The following LHFPL6 variants were observed in gnomAD, a reference collection of about 807,000 sequenced individuals.
LHFPL6 encodes the protein LHFPL tetraspan subfamily member 6 protein.
A neutral mutation model predicts 20.6 loss-of-function variants in LHFPL6; 9 were observed. The ratio of observed to expected loss-of-function variants is 0.44; its 90% CI spans 0.26 to 0.76. LHFPL6 has a LOEUF of 0.76. Ranked by LOEUF, LHFPL6 falls within the 30% of genes least tolerant of loss-of-function variation. The probability of loss-of-function intolerance (pLI) is 0.20; values close to 1 mark genes in which losing one functional copy is unlikely to be tolerated. For missense variants in LHFPL6, 218 were observed against 253.5 expected, an observed-to-expected ratio of 0.86 and a Z score of 0.95; for synonymous variants, 105 against 98.7, an observed-to-expected ratio of 1.06 and a Z score of -0.38.
At chr13:39,517,481 T>C (rs1228069154) in intron 2 of LHFPL6, among the ~76,000 whole-genome samples, 1 of 152,170 alleles carries the variant, frequency 6.6e-6, no homozygotes, top group Non-Finnish European at 1.5e-5. Context: ...AATCCAGACA[T>C]CATCCTTTAT....
chr13:39,447,298 G>A lies in LHFPL6; in HGVS notation c.386-68772C>T, dbSNP rs145998064. The stretch of plus-strand genomic sequence containing the variant: ...TCCCCAAATAGATGAAATTATAAGG[G>A]AAATTTTCATAATCTTTTTTTAAGC... On this transcript the variant is annotated intron_variant, in intron 2 of 3. Transcript: ENST00000379589. Among the ~76,000 whole-genome samples the A allele has an allele frequency of 6.8e-3, 1,029 of 152,192 alleles. 8 individuals carry two copies. Among genetic ancestry groups the A allele is most frequent in the Non-Finnish European group, 0.012 (794 of 67,992 alleles).
intron 3 of LHFPL6, among the ~76,000 whole-genome samples, chr13:39,345,509 T>A (rs1363324634): frequency 6.3e-5 from 1 of 15,780 alleles, no homozygotes; most frequent in African/African-American, 1.9e-4. Context: ...CGAGACTCCA[T>A]CTCAAAAAAA....
In LHFPL6 at chr13:39,500,485, T is replaced by C. The variant is rs1300283463; in HGVS notation, c.385+100347A>G. ...CCAGACTGCTCTCAAATTCCTGGGC[T>C]CAAGCGATCCTCCCACCTCCCAGAC... On this transcript the variant is annotated intron_variant, in intron 2 of 3. Coordinates refer to ENST00000379589, the MANE Select transcript of LHFPL6 (RefSeq NM_005780.3). Among the ~76,000 whole-genome samples, 6 of 152,142 alleles carry C rather than the reference T, an allele frequency of 3.9e-5. No individual in the cohort carries two copies. In the East Asian group the frequency reaches 1.2e-3, roughly 29 times the overall value.
At chr13:39,556,929 TC>T (rs1043304354) in intron 2 of LHFPL6, among the ~76,000 whole-genome samples, 8 of 152,064 alleles carry the variant, frequency 5.3e-5, no homozygotes, top group African/African-American at 1.9e-4. Flanking sequence ...ACCACTGCAG[TC>T]CAGCCTGAGT....
chr13:39,596,103 A>T (rs1192820804), intron 2 of LHFPL6, among the ~76,000 whole-genome samples: 10 of 152,116 alleles, frequency 6.6e-5, no homozygotes, highest in African/African-American at 2.4e-4. Context: ...AATAAAAGGA[A>T]ATGTTATATA....
intron 2 of LHFPL6, among the ~76,000 whole-genome samples, chr13:39,528,922 C>T (rs1461156355): frequency 6.6e-6 from 1 of 152,146 alleles, no homozygotes; most frequent in South Asian, 2.1e-4. Context: ...GCTTGATTTT[C>T]GAAGAATTAC....
At chr13:39,509,258 TGGATACAAATCCTTTATCGG>T (rs1869601107) in intron 2 of LHFPL6, among the ~76,000 whole-genome samples, 2 of 152,360 alleles carry the variant, frequency 1.3e-5, no homozygotes, top group Admixed American at 6.5e-5. Flanking sequence ...TTAAATAATT[TGGATACAAATCCTTTATCGG>T]GTATGTGATT....
chr13:39,420,394 A>T (rs1230850496), intron 2 of LHFPL6, among the ~76,000 whole-genome samples: 1 of 152,206 alleles, frequency 6.6e-6, no homozygotes, highest in Non-Finnish European at 1.5e-5. Flanking sequence ...GGGGAGAAAT[A>T]GTAAGACAAG....
chr13:39,562,804 G>T (rs922799587), intron 2 of LHFPL6, among the ~76,000 whole-genome samples: 17 of 151,372 alleles, frequency 1.1e-4, no homozygotes, highest in African/African-American at 4.1e-4. Context: ...ATCTAGTAAG[G>T]TAAGACACAG....
chr13:39,365,913 T>C (rs1203693940), intron 3 of LHFPL6, among the ~76,000 whole-genome samples: 1 of 152,152 alleles, frequency 6.6e-6, no homozygotes, highest in Non-Finnish European at 1.5e-5. Flanking sequence ...ATGGAATGCA[T>C]CAGTAAGGCT....
At chr13:39,592,724 C>T (rs1044517770) in intron 2 of LHFPL6, among the ~76,000 whole-genome samples, 5 of 152,110 alleles carry the variant, frequency 3.3e-5, no homozygotes, top group African/African-American at 7.2e-5. Flanking sequence ...AATTCCTCAA[C>T]AAAATACTGG....
At chr13:39,421,155 C>A (rs903775562) in intron 2 of LHFPL6, among the ~76,000 whole-genome samples, 1 of 152,048 alleles carries the variant, frequency 6.6e-6, no homozygotes, top group African/African-American at 2.4e-5. Context: ...CCTGTTATAT[C>A]CCCTAAAAGA....
At chr13:39,547,160 G>A (rs561396166) in intron 2 of LHFPL6, among the ~76,000 whole-genome samples, 4 of 152,070 alleles carry the variant, frequency 2.6e-5, no homozygotes, top group Non-Finnish European at 1.5e-5. Flanking sequence ...CAGTGCCCTG[G>A]CTAAATTTTA....
intron 2 of LHFPL6, among the ~76,000 whole-genome samples, chr13:39,537,246 C>T (rs1033655550): frequency 1.3e-5 from 2 of 152,218 alleles, no homozygotes; most frequent in African/African-American, 4.8e-5. Flanking sequence ...GTCCTCGGCA[C>T]GCACACCACA....
At chr13:39,378,581 A>G in intron 2 of LHFPL6, 55 bp from the exon 3 acceptor site, 1 of 1,338,774 alleles carries the variant, frequency 7.5e-7, no homozygotes, top group Non-Finnish European at 1.1e-6. Flanking sequence ...ATCACTAGAT[A>G]AAGGTGGTGG....
chr13:39,518,741 A>C (rs552268600), intron 2 of LHFPL6, among the ~76,000 whole-genome samples: 1 of 152,162 alleles, frequency 6.6e-6, no homozygotes, highest in South Asian at 2.1e-4. Context: ...AAATGCAGAC[A>C]CTCAGGCCCC....
chr13:39,362,797 T>C (rs1869910437), intron 3 of LHFPL6, among the ~76,000 whole-genome samples: 1 of 152,188 alleles, frequency 6.6e-6, no homozygotes, highest in Middle Eastern at 3.4e-3. Context: ...AACCTACAAA[T>C]TGAATCAATT....
At chr13:39,400,781 T>TCA (rs1226339835) in intron 2 of LHFPL6, among the ~76,000 whole-genome samples, 1 of 1,210 alleles carries the variant, frequency 8.3e-4, no homozygotes, top group Middle Eastern at 0.5. Context: ...AGACTCCGTC[T>TCA]CAAAAAAAAA....
intron 2 of LHFPL6, among the ~76,000 whole-genome samples, chr13:39,470,468 A>G (rs1289195271): frequency 1.3e-5 from 2 of 152,170 alleles, no homozygotes; most frequent in Non-Finnish European, 2.9e-5. Flanking sequence ...TAAAAAGAGA[A>G]CTTTTTAAAT....
Sources: allele counts gnomAD v4.1 joint callset (sites outside exome capture counted in the v4.1 genomes callset), GRCh38; gene constraint gnomAD v4.1.1; transcripts MANE v1.5; gene names NCBI Gene and HGNC (gene_info 2026-07-23, HGNC 2026-07-21).